The following ADAMTS17 variants were observed in gnomAD, a reference collection of about 807,000 sequenced individuals.
ADAMTS17 encodes ADAM metallopeptidase with thrombospondin type 1 motif 17.
Under a neutral mutation model 141.5 loss-of-function variants are expected in ADAMTS17, and 113 were observed. The observed-to-expected ratio is 0.80, with a 90% CI of 0.69 to 0.93. ADAMTS17 has a LOEUF of 0.93. Among genes scored for constraint, ADAMTS17 ranks in the 40% least tolerant of loss-of-function variants. The pLI is 0.00. For synonymous variants in ADAMTS17, 768 were observed against 630.6 expected (o/e 1.22, Z -3.27); for missense variants, 1,659 against 1,517.9 (o/e 1.09, Z -1.54).
At chr15:100,188,469 TCA>T (rs1288955228) in intron 8 of ADAMTS17, among the ~76,000 whole-genome samples, 1 of 152,060 alleles carries the variant, frequency 6.6e-6, no homozygotes, top group Admixed American at 6.6e-5. Context: ...ACATTCTTCT[TCA>T]GTGTTTCTGA....
chr15:100,030,975 T>C lies in ADAMTS17; in HGVS notation c.2591+17882A>G, dbSNP rs114008783. 1.6e-3 allele frequency among the ~76,000 whole-genome samples: 251 copies of C among 152,294 alleles called. 1 individual carries two copies. Among genetic ancestry groups the C allele is most frequent in the African/African-American group, 5.7e-3 (235 of 41,550 alleles). ...GTTCATCATCGATATAGTTTTGTAG[T>C]TGAGCAGTGATGATAGTTTTGGCTG... is the stretch of plus-strand genomic sequence containing the variant. On this transcript the variant is annotated intron_variant, in intron 18 of 21. Coordinates refer to ENST00000268070, the MANE Select transcript of ADAMTS17 (RefSeq NM_139057.4).
intron 8 of ADAMTS17, among the ~76,000 whole-genome samples, chr15:100,171,761 C>T (rs1271149918): frequency 3.9e-5 from 6 of 152,200 alleles, no homozygotes; most frequent in Admixed American, 1.3e-4. Flanking sequence ...TGGCTCAGTG[C>T]TCACCACATG....
At chr15:100,063,553 G>A in intron 15 of ADAMTS17, 1 of 792,188 alleles carries the variant, frequency 1.3e-6, no homozygotes, top group Non-Finnish European at 1.8e-6. Flanking sequence ...GGGTGCTCAT[G>A]TCATTACAAC....
chr15:100,124,190 T>TGG (rs2037600457), intron 12 of ADAMTS17, among the ~76,000 whole-genome samples: 2 of 152,172 alleles, frequency 1.3e-5, no homozygotes, highest in Non-Finnish European at 2.9e-5. Flanking sequence ...AGTCATGAAC[T>TGG]CCTGGCCTCA....
At chr15:100,266,044 CTG>C (rs2043704063) in intron 4 of ADAMTS17, among the ~76,000 whole-genome samples, 2 of 152,218 alleles carry the variant, frequency 1.3e-5, no homozygotes, top group Admixed American at 6.5e-5. Context: ...CACATGGTAA[CTG>C]AGTAAAATTC....
chr15:99,996,748 G>T (rs924848371), intron 19 of ADAMTS17, among the ~76,000 whole-genome samples: 2 of 152,112 alleles, frequency 1.3e-5, no homozygotes, highest in African/African-American at 4.8e-5. Flanking sequence ...AAGACCTGAG[G>T]GAAGCCTGCC....
At chr15:100,252,281 G>GCATTCATTCATTCATTCATT in intron 7 of ADAMTS17, among the ~76,000 whole-genome samples, 1 of 152,256 alleles carries the variant, frequency 6.6e-6, no homozygotes, top group South Asian at 2.1e-4. Flanking sequence ...CCCTTCACCT[G>GCATTCATTCATTCATTCATT]CATTCATTCA....
At chr15:100,277,390 C>T (rs1352883491) in intron 4 of ADAMTS17, among the ~76,000 whole-genome samples, 1 of 152,174 alleles carries the variant, frequency 6.6e-6, no homozygotes, top group African/African-American at 2.4e-5. Flanking sequence ...TCCCTTCCCA[C>T]TCCCTGCCTG....
intron 7 of ADAMTS17, among the ~76,000 whole-genome samples, chr15:100,223,063 G>A (rs1038289326): frequency 6.6e-6 from 1 of 152,152 alleles, no homozygotes; most frequent in Non-Finnish European, 1.5e-5. Context: ...TAAAGATGCG[G>A]GTGCAGGAAC....
At chr15:99,989,053 C>T (rs2164374) in intron 20 of ADAMTS17, among the ~76,000 whole-genome samples, 13,435 of 152,200 alleles carry the variant, frequency 0.088, 1,802 homozygotes, top group African/African-American at 0.29. Context: ...ATCTACAGGA[C>T]GCCCCTTAGC....
chr15:100,207,048 T>C (rs1009855418), intron 7 of ADAMTS17, among the ~76,000 whole-genome samples: 2 of 152,162 alleles, frequency 1.3e-5, no homozygotes, highest in African/African-American at 2.4e-5. Flanking sequence ...CCCCTGAAAT[T>C]CAGAGGTTGA....
intron 15 of ADAMTS17, among the ~76,000 whole-genome samples, chr15:100,087,171 C>A (rs1596385625): frequency 6.6e-6 from 1 of 152,128 alleles, no homozygotes; most frequent in Non-Finnish European, 1.5e-5. Flanking sequence ...CACCACTGAT[C>A]CCACAGAAAT....
intron 3 of ADAMTS17, among the ~76,000 whole-genome samples, chr15:100,298,413 G>A (rs993468807): frequency 2.0e-5 from 3 of 152,066 alleles, no homozygotes; most frequent in South Asian, 4.1e-4. Flanking sequence ...ATCAAGCCCC[G>A]ACTCTGTGGT....
rs766627777 is a variant in ADAMTS17 at position 100,096,425 on chromosome 15, C to T, written c.2068G>A (p.Gly690Arg). The T allele has an allele frequency of 6.2e-6, 10 of 1,614,172 alleles. No individual in the cohort carries two copies. Among genetic ancestry groups the T allele is most frequent in the Middle Eastern group, 1.6e-4 (1 of 6,062 alleles). The change falls in exon 15 of 22, where the codon GGG (glycine) becomes AGG (arginine). Residue 690 changes from glycine (G) to arginine (R), a missense_variant. Transcript: ENST00000268070. ...IGSAAKEDRC[G>R]VCSGDGKTCH... ...GTCTTGCCGTCCCCGCTGCAGACCC[C>T]GCATCTGTCCTCTTTGGCTGCAGAC...
At chr15:100,303,050 G>A (rs1025868186) in intron 3 of ADAMTS17, among the ~76,000 whole-genome samples, 1 of 150,034 alleles carries the variant, frequency 6.7e-6, no homozygotes, top group African/African-American at 2.4e-5. Flanking sequence ...GGCCTATTGT[G>A]GGACCTTATG....
chr15:100,065,367 G>A (rs999743590), intron 15 of ADAMTS17, among the ~76,000 whole-genome samples: 3 of 152,124 alleles, frequency 2.0e-5, no homozygotes, highest in African/African-American at 7.2e-5. Flanking sequence ...AAAGGATCAA[G>A]CAAAAAGTAT....
chr15:100,088,306 G>C (rs1179977681), intron 15 of ADAMTS17, among the ~76,000 whole-genome samples: 1 of 152,164 alleles, frequency 6.6e-6, no homozygotes, highest in Non-Finnish European at 1.5e-5. Context: ...CTTTTAAGGA[G>C]AACTACAAAC....
intron 8 of ADAMTS17, among the ~76,000 whole-genome samples, chr15:100,180,197 C>T (rs1051198678): frequency 3.3e-5 from 5 of 152,116 alleles, no homozygotes; most frequent in Non-Finnish European, 5.9e-5. Context: ...TTTTGTACAT[C>T]GCAAGAGAAA....
chr15:100,144,222 G>C (rs1199365760), intron 10 of ADAMTS17, among the ~76,000 whole-genome samples: 1 of 152,164 alleles, frequency 6.6e-6, no homozygotes, highest in Non-Finnish European at 1.5e-5. Flanking sequence ...ACAGTATTTT[G>C]AGATGTTGGC....
Sources: allele counts gnomAD v4.1 joint callset (sites outside exome capture counted in the v4.1 genomes callset), GRCh38; gene constraint gnomAD v4.1.1; transcripts MANE v1.5; gene names NCBI Gene and HGNC (gene_info 2026-07-23, HGNC 2026-07-21).